Variants in PLPP3 observed in about 807,000 individuals in gnomAD.
PLPP3 encodes phospholipid phosphatase 3.
Under a neutral mutation model 29.6 loss-of-function variants are expected in PLPP3, and 6 were observed. That is an observed-to-expected ratio of 0.20 (90% CI 0.11 to 0.40). PLPP3 has a LOEUF of 0.40. Among genes scored for constraint, PLPP3 ranks in the 10% least tolerant of loss-of-function variants. The probability of loss-of-function intolerance (pLI) is 1.00; values close to 1 mark genes in which losing one functional copy is unlikely to be tolerated. For missense variants in PLPP3, 308 were observed against 407.7 expected, an observed-to-expected ratio of 0.76 and a Z score of 2.11; for synonymous variants, 152 against 159.7, an observed-to-expected ratio of 0.95 and a Z score of 0.36.
intron 1 of PLPP3, among the ~76,000 whole-genome samples, chr1:56,562,036 CAAAAAAAAAAAAAAA>C (rs71048439): frequency 9.8e-5 from 5 of 50,956 alleles, no homozygotes; most frequent in African/African-American, 3.4e-4. Context: ...CTCCGTTTCA[CAAAAAAAAAAAAAAA>C]AAAAAAAAAA....
intron 5 of PLPP3, among the ~76,000 whole-genome samples, chr1:56,501,404 G>GTAC (rs1156955659): frequency 2.0e-5 from 3 of 152,014 alleles, no homozygotes; most frequent in Non-Finnish European, 2.9e-5. Flanking sequence ...CCACGCCAGT[G>GTAC]GCATGTAGTA....
At chr1:56,526,651 C>T (rs1340896741) in intron 2 of PLPP3, among the ~76,000 whole-genome samples, 2 of 151,988 alleles carry the variant, frequency 1.3e-5, no homozygotes, top group Admixed American at 1.3e-4. Context: ...GGTTCAAGTC[C>T]CTACTTGTTT....
intron 1 of PLPP3, among the ~76,000 whole-genome samples, chr1:56,547,686 GC>G (rs1646014926): frequency 6.6e-6 from 1 of 152,182 alleles, no homozygotes; most frequent in South Asian, 2.1e-4. Flanking sequence ...CAGCTGCCAT[GC>G]CCCACCCTGC....
chr1:56,568,616 T>A (rs1462907672), intron 1 of PLPP3, among the ~76,000 whole-genome samples: 1 of 152,188 alleles, frequency 6.6e-6, no homozygotes, highest in Non-Finnish European at 1.5e-5. Flanking sequence ...AGGAAGTACC[T>A]GTCATATCTT....
At chr1:56,559,273 T>C (rs1341402352) in intron 1 of PLPP3, among the ~76,000 whole-genome samples, 2 of 152,204 alleles carry the variant, frequency 1.3e-5, no homozygotes, top group African/African-American at 2.4e-5. Flanking sequence ...GAGACTAATA[T>C]GGATAAAGGT....
At chr1:56,561,080 C>G (rs923703525) in intron 1 of PLPP3, among the ~76,000 whole-genome samples, 3 of 151,236 alleles carry the variant, frequency 2.0e-5, no homozygotes, top group Admixed American at 6.6e-5. Flanking sequence ...ATCTCCTGAC[C>G]TTGTGATCCG....
intron 1 of PLPP3, among the ~76,000 whole-genome samples, chr1:56,576,549 C>T (rs950754961): frequency 6.6e-6 from 1 of 152,114 alleles, no homozygotes; most frequent in African/African-American, 2.4e-5. Flanking sequence ...GGCCTGTGCT[C>T]AGGGGAAACA....
intron 1 of PLPP3, among the ~76,000 whole-genome samples, chr1:56,569,541 T>C (rs535982596): frequency 6.6e-6 from 1 of 152,266 alleles, no homozygotes; most frequent in South Asian, 2.1e-4. Flanking sequence ...AAAAGGTAAA[T>C]GTGGAGTTAC....
chr1:56,526,625 G>A (rs1645854606), intron 2 of PLPP3, among the ~76,000 whole-genome samples: 3 of 152,128 alleles, frequency 2.0e-5, no homozygotes, highest in South Asian at 4.1e-4. Context: ...CACTGAACTA[G>A]GAGTCAAGTA....
At chr1:56,555,230 C>T (rs17416299) in intron 1 of PLPP3, among the ~76,000 whole-genome samples, 20,869 of 150,422 alleles carry the variant, frequency 0.14, 1,498 homozygotes, top group Admixed American at 0.2. Context: ...GCAGCTGAAC[C>T]GGCCCCATCC....
chr1:56,556,135 T>C (rs1379355136), intron 1 of PLPP3, among the ~76,000 whole-genome samples: 1 of 152,206 alleles, frequency 6.6e-6, no homozygotes, highest in Non-Finnish European at 1.5e-5. Flanking sequence ...AAAGGTAAAT[T>C]GTGCCCTCTC....
chr1:56,528,734 T>G (rs1174918518), intron 2 of PLPP3, among the ~76,000 whole-genome samples: 1 of 151,436 alleles, frequency 6.6e-6, no homozygotes, highest in African/African-American at 2.4e-5. Flanking sequence ...AAGAGCTCCT[T>G]GGACGATACC....
chr1:56,528,582 C>A (rs1262213852), intron 2 of PLPP3, among the ~76,000 whole-genome samples: 2 of 151,896 alleles, frequency 1.3e-5, no homozygotes, highest in East Asian at 3.9e-4. Flanking sequence ...GGCAGGATTG[C>A]CAGGGAATTA....
intron 1 of PLPP3, among the ~76,000 whole-genome samples, chr1:56,555,542 C>T (rs1162664311): frequency 2.0e-5 from 3 of 150,926 alleles, no homozygotes; most frequent in Non-Finnish European, 4.4e-5. Flanking sequence ...GTATCCAACA[C>T]TGCCTACTTT....
intron 1 of PLPP3, among the ~76,000 whole-genome samples, chr1:56,557,667 T>C (rs1000725713): frequency 1.3e-5 from 2 of 152,162 alleles, no homozygotes; most frequent in African/African-American, 2.4e-5. Context: ...TGTACCTCCA[T>C]GGATCATTTC....
Position 56,498,924 on chromosome 1 carries a change from G to C in PLPP3, c.811-2248C>G, listed in dbSNP as rs144104368. Reference sequence around the variant, plus strand: ...TGGGATTACAGGTGTGAGCCACCGTGCCTGGCCCATCACTACTTTTAACTT... The same window carrying C: ...TGGGATTACAGGTGTGAGCCACCGTCCCTGGCCCATCACTACTTTTAACTT... On this transcript the variant is annotated intron_variant, in intron 5 of 5. Transcript: ENST00000371250. Among the ~76,000 whole-genome samples the C allele has an allele frequency of 3.9e-4, 59 of 152,246 alleles. No homozygotes were observed. The East Asian group carries it at 0.011, about 29-fold the overall frequency.
chr1:56,560,832 CTTTTT>C (rs397860682), intron 1 of PLPP3, among the ~76,000 whole-genome samples: 1 of 89,362 alleles, frequency 1.1e-5, no homozygotes, highest in Non-Finnish European at 2.1e-5. Context: ...ATTCAGAGTC[CTTTTT>C]TTTTTTTTTT....
intron 1 of PLPP3, 53 bp downstream of exon 1, chr1:56,578,825 C>G: frequency 6.8e-7 from 1 of 1,476,054 alleles, no homozygotes; most frequent in Admixed American, 2.3e-5. Context: ...GGCTGGGACG[C>G]GCGCCGAGGG....
At chr1:56,578,241 A>G (rs1646249470) in intron 1 of PLPP3, among the ~76,000 whole-genome samples, 1 of 152,102 alleles carries the variant, frequency 6.6e-6, no homozygotes, top group African/African-American at 2.4e-5. Flanking sequence ...AGAGTGGGCG[A>G]GCTAAAACTG....
Sources: gnomAD v4.1 joint callset for allele counts (sites outside exome capture counted in the v4.1 genomes callset) on GRCh38, gnomAD v4.1.1 for gene constraint, MANE v1.5 for transcripts, NCBI Gene and HGNC (gene_info 2026-07-23, HGNC 2026-07-21) for gene names.